The following CALN1 variants were observed in gnomAD, a reference collection of about 807,000 sequenced individuals.
The protein encoded by CALN1 is calneuron 1.
Under a neutral mutation model 30.6 loss-of-function variants are expected in CALN1, and 17 were observed. The ratio of observed to expected loss-of-function variants is 0.56; its 90% CI spans 0.38 to 0.83. The LOEUF (loss-of-function observed/expected upper bound fraction) is 0.83, where lower values mean the gene tolerates loss of function less well. Ranked by LOEUF, CALN1 falls within the 40% of genes least tolerant of loss-of-function variation. The pLI, the probability that CALN1 is intolerant of heterozygous loss-of-function variation, is 0.00. For synonymous variants in CALN1, 156 were observed against 131.4 expected (o/e 1.19, Z -1.28); for missense variants, 291 against 354.9 (o/e 0.82, Z 1.45).
chr7:71,998,345 T>TAC (rs1799354783), intron 5 of CALN1, among the ~76,000 whole-genome samples: 2 of 152,132 alleles, frequency 1.3e-5, no homozygotes, highest in Admixed American at 1.3e-4. Context: ...TCTGGGTACA[T>TAC]ACAATAGACT....
At chr7:72,352,382 C>CT in intron 2 of CALN1, among the ~76,000 whole-genome samples, 1 of 93,174 alleles carries the variant, frequency 1.1e-5, no homozygotes, top group East Asian at 3.2e-4. Context: ...GAGTGAGACT[C>CT]TGTCTCAAAA....
intron 5 of CALN1, among the ~76,000 whole-genome samples, chr7:71,925,403 C>T (rs895736307): frequency 1.3e-5 from 2 of 151,598 alleles, no homozygotes; most frequent in South Asian, 2.1e-4. Flanking sequence ...CATAATTGTT[C>T]TGCTTTAAGA....
intron 3 of CALN1, among the ~76,000 whole-genome samples, chr7:72,191,331 G>A (rs901067654): frequency 1.3e-5 from 2 of 152,068 alleles, no homozygotes; most frequent in African/African-American, 4.8e-5. Context: ...GCCAGCCATG[G>A]TGGCTCACGA....
At chr7:72,133,202 T>C (rs1163908657) in intron 3 of CALN1, among the ~76,000 whole-genome samples, 2 of 152,198 alleles carry the variant, frequency 1.3e-5, no homozygotes, top group Admixed American at 6.5e-5. Context: ...ATAATGCTTA[T>C]AGACTCCTAA....
chr7:71,941,740 T>C (rs1393981699), intron 5 of CALN1, among the ~76,000 whole-genome samples: 1 of 152,152 alleles, frequency 6.6e-6, no homozygotes, highest in African/African-American at 2.4e-5. Context: ...CAGAAATCAA[T>C]CTAACAGGCA....
intron 2 of CALN1, among the ~76,000 whole-genome samples, chr7:72,344,548 G>A (rs1014141364): frequency 2.1e-5 from 3 of 144,448 alleles, no homozygotes; most frequent in African/African-American, 7.6e-5. Flanking sequence ...AGTATTGAGG[G>A]GATAAATATA....
chr7:71,922,489 A>AT (rs1794997753), intron 5 of CALN1, among the ~76,000 whole-genome samples: 1 of 145,660 alleles, frequency 6.9e-6, no homozygotes, highest in Non-Finnish European at 1.5e-5. Flanking sequence ...ATATTAATAT[A>AT]ATATATAATA....
intron 5 of CALN1, among the ~76,000 whole-genome samples, chr7:71,930,657 C>T (rs1584537068): frequency 6.6e-6 from 1 of 152,116 alleles, no homozygotes; most frequent in Non-Finnish European, 1.5e-5. Context: ...AGAGTTTTAT[C>T]GTTTCAGATC....
At chr7:72,231,249 G>C (rs1415377054) in intron 3 of CALN1, among the ~76,000 whole-genome samples, 1 of 151,990 alleles carries the variant, frequency 6.6e-6, no homozygotes, top group Non-Finnish European at 1.5e-5. Context: ...AAGCCCAGCA[G>C]GCATTAGCTA....
At chr7:72,388,809 G>A (rs1390764921) in intron 2 of CALN1, among the ~76,000 whole-genome samples, 1 of 152,140 alleles carries the variant, frequency 6.6e-6, no homozygotes, top group Non-Finnish European at 1.5e-5. Context: ...CCCGGTCGCA[G>A]GTGTGCACTG....
At chr7:72,409,610 A>G (rs966261963) in intron 1 of CALN1, among the ~76,000 whole-genome samples, 6 of 151,948 alleles carry the variant, frequency 3.9e-5, no homozygotes, top group Admixed American at 2.0e-4. Context: ...GATCCCTTTC[A>G]AAGTATCTAA....
At chr7:72,462,571 T>C in the CALN1 span, among the ~76,000 whole-genome samples, 3 of 152,098 alleles carry the variant, frequency 2.0e-5, no homozygotes, top group Non-Finnish European at 2.9e-5. Flanking sequence ...AATCCCACAA[T>C]ACTGTCGAGG....
chr7:72,342,201 G>A (rs55841409), intron 2 of CALN1, among the ~76,000 whole-genome samples: 35,138 of 150,294 alleles, frequency 0.23, 5,187 homozygotes, highest in Non-Finnish European at 0.33. Flanking sequence ...CGAGATTACA[G>A]TGAACTGTGG....
At chr7:72,175,390 G>C (rs1789278702) in intron 3 of CALN1, among the ~76,000 whole-genome samples, 1 of 152,036 alleles carries the variant, frequency 6.6e-6, no homozygotes, top group South Asian at 2.1e-4. Flanking sequence ...ATAAACCAGA[G>C]CAAATTCAGA....
intron 1 of CALN1, among the ~76,000 whole-genome samples, chr7:72,406,353 G>A (rs1237557191): frequency 6.6e-6 from 1 of 152,152 alleles, no homozygotes; most frequent in Non-Finnish European, 1.5e-5. Context: ...CACCTCCTGA[G>A]TCCTCACAGC....
At chr7:72,405,534 C>T (rs1437301870) in intron 1 of CALN1, among the ~76,000 whole-genome samples, 1 of 152,124 alleles carries the variant, frequency 6.6e-6, no homozygotes, top group African/African-American at 2.4e-5. Context: ...CAGCTGCACA[C>T]TCTGTCCCCA....
the CALN1 span, among the ~76,000 whole-genome samples, chr7:72,470,701 A>G: frequency 6.6e-6 from 1 of 152,322 alleles, no homozygotes; most frequent in Non-Finnish European, 1.5e-5. Context: ...AAAATATGTC[A>G]TATGTTGTGT....
chr7:72,432,835 T>C (rs1042782989), intron 1 of CALN1, among the ~76,000 whole-genome samples: 2 of 152,226 alleles, frequency 1.3e-5, no homozygotes, highest in Non-Finnish European at 2.9e-5. Flanking sequence ...GCAATTTTAC[T>C]GTCTTTTAAA....
intron 1 of CALN1, among the ~76,000 whole-genome samples, chr7:72,437,890 T>TCCTC (rs984538185): frequency 6.2e-5 from 9 of 145,026 alleles, no homozygotes; most frequent in Non-Finnish European, 9.1e-5. Flanking sequence ...TTTCCTTCCT[T>TCCTC]CCTCCCTCCC....
Sources: allele counts gnomAD v4.1 joint callset (sites outside exome capture counted in the v4.1 genomes callset), GRCh38; gene constraint gnomAD v4.1.1; transcripts MANE v1.5; gene names NCBI Gene and HGNC (gene_info 2026-07-23, HGNC 2026-07-21).